CTNNA2: variants seen among roughly 807,000 people sequenced by gnomAD.
CTNNA2 encodes the protein catenin alpha 2, also known as catenin alpha-2.
A neutral mutation model predicts 101.0 loss-of-function variants in CTNNA2; 42 were observed. The ratio of observed to expected loss-of-function variants is 0.42; its 90% CI spans 0.32 to 0.54. The LOEUF (loss-of-function observed/expected upper bound fraction) is 0.54, where lower values mean the gene tolerates loss of function less well. Among genes scored for constraint, CTNNA2 ranks in the 20% least tolerant of loss-of-function variants. The pLI, the probability that CTNNA2 is intolerant of heterozygous loss-of-function variation, is 0.14. For synonymous variants in CTNNA2, 450 were observed against 456.4 expected (o/e 0.99, Z 0.18); for missense variants, 871 against 1,223.1 (o/e 0.71, Z 4.29).
chr2:80,084,650 G>A (rs1699336860), intron 7 of CTNNA2, among the ~76,000 whole-genome samples: 1 of 152,012 alleles, frequency 6.6e-6, no homozygotes, highest in Admixed American at 6.6e-5. Flanking sequence ...CACACCTCCA[G>A]GATGGTATAA....
chr2:79,925,255 CT>C (rs1160306799), intron 7 of CTNNA2, among the ~76,000 whole-genome samples: 1 of 151,938 alleles, frequency 6.6e-6, no homozygotes, highest in East Asian at 1.9e-4. Context: ...GAACTTATGT[CT>C]TTTTAATCCT....
chr2:79,296,254 G>A (rs944635212), intron 2 of CTNNA2, among the ~76,000 whole-genome samples: 1 of 152,114 alleles, frequency 6.6e-6, no homozygotes, highest in African/African-American at 2.4e-5. Context: ...CTGTAGAATG[G>A]AGAATGCCAA....
intron 7 of CTNNA2, among the ~76,000 whole-genome samples, chr2:80,230,260 G>GTT (rs375509574): frequency 0.027 from 3,322 of 121,576 alleles, 91 homozygotes; most frequent in African/African-American, 0.062. Flanking sequence ...TTTTTTCTTT[G>GTT]TTTTTTTTTT....
intron 2 of CTNNA2, among the ~76,000 whole-genome samples, chr2:79,705,575 T>A (rs1685301399): frequency 6.6e-6 from 1 of 152,168 alleles, no homozygotes. Flanking sequence ...ATTTCGCTGA[T>A]AGGGAAACTA....
At chr2:79,812,564 C>G (rs2105344273) in intron 3 of CTNNA2, among the ~76,000 whole-genome samples, 1 of 152,246 alleles carries the variant, frequency 6.6e-6, no homozygotes, top group Admixed American at 6.5e-5. Flanking sequence ...TTTCTTTGCC[C>G]TAATATATAA....
chr2:79,465,962 C>T (rs958389419), intron 4 of CTNNA2, among the ~76,000 whole-genome samples: 8 of 152,132 alleles, frequency 5.3e-5, no homozygotes, highest in African/African-American at 1.2e-4. Flanking sequence ...GCATGAGTGA[C>T]GTAAAAAACA....
chr2:79,414,662 C>T (rs1678457671), intron 4 of CTNNA2, among the ~76,000 whole-genome samples: 1 of 152,054 alleles, frequency 6.6e-6, no homozygotes, highest in South Asian at 2.1e-4. Context: ...TGTTATGCAG[C>T]ATCTGGGCCA....
intron 7 of CTNNA2, among the ~76,000 whole-genome samples, chr2:80,370,230 A>G (rs1437442428): frequency 6.6e-6 from 1 of 151,216 alleles, no homozygotes; most frequent in African/African-American, 2.4e-5. Flanking sequence ...GCGAAAAAAT[A>G]TTGTATATGA....
At position 79,858,119 on chromosome 2, in the gene CTNNA2, A is replaced by G; in HGVS notation, c.405A>G (p.Thr135=). Reference sequence around the variant, plus strand: ...CAAGGGCTTTGCTCTCCGCGGTGACACGCTTACTCATCCTGGCGGACATGG... The same window carrying G: ...CAAGGGCTTTGCTCTCCGCGGTGACGCGCTTACTCATCCTGGCGGACATGG... ...RAARALLSAV[T]RLLILADMAD... The change falls in exon 4 of 19, where the codon ACA becomes ACG. Residue 135 remains threonine (T), a synonymous_variant. Coordinates refer to ENST00000402739, the MANE Select transcript of CTNNA2 (RefSeq NM_001282597.3). 6.2e-7 allele frequency: 1 copy of G among 1,614,038 alleles called. No homozygotes were observed. The highest frequency in any genetic ancestry group is 8.5e-7 in the Non-Finnish European group (1 of 1,179,940).
At position 80,059,084 on chromosome 2, in the gene CTNNA2, T is replaced by A. The variant is rs536812286; in HGVS notation, c.1056+149287T>A. Among the ~76,000 whole-genome samples, 12 of 152,298 alleles carry A rather than the reference T, an allele frequency of 7.9e-5. No individual in the cohort carries two copies. In the East Asian group the frequency reaches 1.7e-3, roughly 22 times the overall value. On this transcript the variant is annotated intron_variant, in intron 7 of 18. Coordinates refer to ENST00000402739, the MANE Select transcript of CTNNA2 (RefSeq NM_001282597.3). ...ACATTTTAAAAATATCTGCTGAGAATCACAATGACACTGCATTTGTGTAGT... is the reference window on the plus strand; with the variant it reads ...ACATTTTAAAAATATCTGCTGAGAAACACAATGACACTGCATTTGTGTAGT...
chr2:80,424,686 A>T (rs1459514400), intron 9 of CTNNA2, among the ~76,000 whole-genome samples: 1 of 152,254 alleles, frequency 6.6e-6, no homozygotes. Context: ...ATAATCTTCC[A>T]GGGTGGCCAA....
At chr2:80,339,979 G>A (rs951964087) in intron 7 of CTNNA2, among the ~76,000 whole-genome samples, 5 of 152,118 alleles carry the variant, frequency 3.3e-5, no homozygotes, top group Admixed American at 2.6e-4. Flanking sequence ...AGTTATTAAC[G>A]TAGCTTTCTT....
intron 3 of CTNNA2, among the ~76,000 whole-genome samples, chr2:79,757,701 A>G (rs1214737477): frequency 2.0e-5 from 3 of 152,148 alleles, no homozygotes. Context: ...AGGTGGCTCA[A>G]TGGGTGGGGC....
chr2:80,191,795 T>C (rs1300285546), intron 7 of CTNNA2, among the ~76,000 whole-genome samples: 1 of 152,208 alleles, frequency 6.6e-6, no homozygotes, highest in African/African-American at 2.4e-5. Flanking sequence ...ACATGGATAC[T>C]GATTAAGGCA....
chr2:80,639,353 G>A (rs1482712150), intron 18 of CTNNA2, among the ~76,000 whole-genome samples: 1 of 152,056 alleles, frequency 6.6e-6, no homozygotes, highest in Non-Finnish European at 1.5e-5. Context: ...GGGATTACAG[G>A]CACCTGCCAC....
chr2:80,600,400 TA>T (rs554157591), intron 15 of CTNNA2, among the ~76,000 whole-genome samples: 3 of 151,320 alleles, frequency 2.0e-5, no homozygotes, highest in East Asian at 1.9e-4. Context: ...TTAAAAACTG[TA>T]AAAAAAAGAA....
rs182227015 is a variant in CTNNA2 at position 80,070,692 on chromosome 2, C to T, written c.1056+160895C>T. On this transcript the variant is annotated intron_variant, in intron 7 of 18. Transcript: ENST00000402739. ...TGATCACACCACTGCACTGCAGCCT[C>T]GGCAAACAGAGTGAGACCCTGTCTC... is the stretch of plus-strand genomic sequence containing the variant. Among the ~76,000 whole-genome samples the T allele has an allele frequency of 2.2e-3, 321 of 147,088 alleles. 2 individuals are homozygous for T. Among genetic ancestry groups the T allele is most frequent in the African/African-American group, 7.7e-3 (302 of 39,224 alleles).
At position 80,375,562 on chromosome 2, in the gene CTNNA2, C is replaced by CTTTTTTTT. The variant is rs199662476; in HGVS notation, c.1057-17636_1057-17629dup. Among the ~76,000 whole-genome samples, 130 of 105,594 alleles carry CTTTTTTTT rather than the reference C, an allele frequency of 1.2e-3. 4 individuals are homozygous for CTTTTTTTT. Among genetic ancestry groups the CTTTTTTTT allele is most frequent in the African/African-American group, 4.2e-3 (100 of 24,056 alleles). The allele number at this position is 105,594 out of a possible 152,430, so 69.3% of individuals were successfully genotyped here. ...CCTTTTGATTCCTGGTTTCTGGCTTCTTTTTTTTTTTTTTTTTTTTGAGAT... is the reference window on the plus strand; with the variant it reads ...CCTTTTGATTCCTGGTTTCTGGCTTCTTTTTTTTTTTTTTTTTTTTTTTTTTTTGAGAT... On this transcript the variant is annotated intron_variant, in intron 7 of 18. Transcript: ENST00000402739.
rs114243396 is a variant in CTNNA2 at position 79,276,119 on chromosome 2, G to C, written c.-405-36590G>C. ...AATAAACTGAGGCGCAAATATGCAAGAATGTTAAATACAAAGAAAGAAGGT... is the reference window on the plus strand; with the variant it reads ...AATAAACTGAGGCGCAAATATGCAACAATGTTAAATACAAAGAAAGAAGGT... On this transcript the variant is annotated intron_variant, in intron 2 of 21. Transcript: ENST00000466387. 9.1e-3 allele frequency among the ~76,000 whole-genome samples: 1,380 copies of C among 152,166 alleles called. 14 individuals carry two copies. The highest frequency in any genetic ancestry group is 0.029 in the African/African-American group (1,221 of 41,542).
Sources: allele counts gnomAD v4.1 joint callset (sites outside exome capture counted in the v4.1 genomes callset), GRCh38; gene constraint gnomAD v4.1.1; transcripts MANE v1.5; gene names NCBI Gene and HGNC (gene_info 2026-07-23, HGNC 2026-07-21).